Variants in LYZL1 observed in about 807,000 individuals in gnomAD.
LYZL1 encodes the protein lysozyme like 1, also known as lysozyme-like protein 1.
LYZL1 carries 16 observed loss-of-function variants against 17.9 expected under a neutral mutation model. The observed-to-expected ratio is 0.90, with a 90% CI of 0.61 to 1.36. The LOEUF (loss-of-function observed/expected upper bound fraction) is 1.36, where lower values mean the gene tolerates loss of function less well. Ranked by LOEUF, LYZL1 falls within the 40% of genes most tolerant of loss-of-function variation. LYZL1 has a pLI of 0.00. For synonymous variants in LYZL1, 58 were observed against 71.8 expected, an observed-to-expected ratio of 0.81 and a Z score of 0.97; for missense variants, 149 against 188.4, an observed-to-expected ratio of 0.79 and a Z score of 1.22.
chr10:29,304,513 A>G (rs954178635), intron 3 of LYZL1, among the ~76,000 whole-genome samples: 1 of 152,052 alleles, frequency 6.6e-6, no homozygotes, highest in Non-Finnish European at 1.5e-5. Flanking sequence ...AACTAACATA[A>G]CTGAAAATAG....
At chr10:29,295,911 CCA>C (rs1301722054) in intron 3 of LYZL1, among the ~76,000 whole-genome samples, 4 of 152,082 alleles carry the variant, frequency 2.6e-5, no homozygotes, top group African/African-American at 9.7e-5. Context: ...AGTCCAACAC[CCA>C]CAAGGAACTG....
chr10:29,293,134 C>CTTTTT (rs11453474), intron 3 of LYZL1, among the ~76,000 whole-genome samples: 3 of 121,048 alleles, frequency 2.5e-5, no homozygotes, highest in African/African-American at 3.1e-5. Context: ...TTTCTTTTTT[C>CTTTTT]TTTTTTTTTT....
intron 3 of LYZL1, among the ~76,000 whole-genome samples, chr10:29,300,475 A>T (rs1835502227): frequency 6.6e-6 from 1 of 152,122 alleles, no homozygotes; most frequent in South Asian, 2.1e-4. Flanking sequence ...TTATATTTAT[A>T]TACCTCACAA....
downstream of LYZL1, among the ~76,000 whole-genome samples, chr10:29,314,304 T>C (rs1477190356): frequency 1.3e-5 from 2 of 152,218 alleles, no homozygotes; most frequent in Non-Finnish European, 2.9e-5. Flanking sequence ...TGTCCTTCAC[T>C]GCTATATTTC....
downstream of LYZL1, among the ~76,000 whole-genome samples, chr10:29,315,007 C>G (rs892708690): frequency 2.6e-5 from 4 of 152,132 alleles, no homozygotes; most frequent in Non-Finnish European, 5.9e-5. Context: ...AAATATGGCA[C>G]AAACCCTAAG....
At chr10:29,304,282 A>C (rs976265701) in intron 3 of LYZL1, among the ~76,000 whole-genome samples, 2 of 152,218 alleles carry the variant, frequency 1.3e-5, no homozygotes, top group Non-Finnish European at 1.5e-5. Flanking sequence ...AACAGCACAG[A>C]TTTCATTAAA....
intron 3 of LYZL1, among the ~76,000 whole-genome samples, chr10:29,303,665 G>T (rs17294522): frequency 0.047 from 7,194 of 152,178 alleles, 176 homozygotes; most frequent in Middle Eastern, 0.12. Flanking sequence ...TTTTCTTATC[G>T]TGAAGAGCAT....
intron 3 of LYZL1, 146 bp downstream of exon 3, chr10:29,292,823 G>A (rs1422116598): frequency 8.0e-7 from 1 of 1,242,402 alleles, no homozygotes; most frequent in East Asian, 2.4e-5. Context: ...TTATGCAACA[G>A]TTTCCAAGGT....
At chr10:29,298,499 T>C (rs1460731257) in intron 3 of LYZL1, among the ~76,000 whole-genome samples, 1 of 152,102 alleles carries the variant, frequency 6.6e-6, no homozygotes, top group African/African-American at 2.4e-5. Flanking sequence ...GGCCTCTGAG[T>C]GCACAGAGCA....
At chr10:29,309,940 T>C (rs539636716) in intron 3 of LYZL1, among the ~76,000 whole-genome samples, 170 bp from the exon 4 acceptor site, 5 of 152,356 alleles carry the variant, frequency 3.3e-5, no homozygotes, top group Admixed American at 3.3e-4. Flanking sequence ...CAACAAAAAG[T>C]TCTTTTTGAA....
intron 3 of LYZL1, among the ~76,000 whole-genome samples, chr10:29,302,769 C>T (rs568080959): frequency 1.3e-5 from 2 of 152,262 alleles, no homozygotes; most frequent in African/African-American, 4.8e-5. Context: ...TGCCGTACCC[C>T]GCGGACACAG....
downstream of LYZL1, among the ~76,000 whole-genome samples, chr10:29,312,970 A>G (rs996976615): frequency 2.0e-5 from 3 of 152,168 alleles, no homozygotes; most frequent in Non-Finnish European, 2.9e-5. Context: ...GATGAGACTG[A>G]TGGATACTGT....
chr10:29,301,680 T>G (rs1239178153), intron 3 of LYZL1, among the ~76,000 whole-genome samples: 2 of 152,200 alleles, frequency 1.3e-5, no homozygotes, highest in East Asian at 3.8e-4. Flanking sequence ...TACTTGGCAT[T>G]CATTAACATT....
downstream of LYZL1, among the ~76,000 whole-genome samples, chr10:29,314,885 C>G (rs1034949190): frequency 2.6e-5 from 4 of 152,170 alleles, no homozygotes; most frequent in African/African-American, 9.7e-5. Flanking sequence ...GCCCCTGCTG[C>G]CCTGCGGGGA....
chr10:29,296,650 C>A (rs1292176399), intron 3 of LYZL1, among the ~76,000 whole-genome samples: 1 of 152,130 alleles, frequency 6.6e-6, no homozygotes, highest in Non-Finnish European at 1.5e-5. Flanking sequence ...TTCTATAGTT[C>A]CAACCACCAT....
At chr10:29,302,506 C>T (rs1455750451) in intron 3 of LYZL1, among the ~76,000 whole-genome samples, 1 of 152,124 alleles carries the variant, frequency 6.6e-6, no homozygotes. Context: ...CTGGGCGGTC[C>T]TCTTCGTGCA....
chr10:29,316,660 G>T, intron 3 of LYZL1, among the ~76,000 whole-genome samples: 1 of 148,220 alleles, frequency 6.7e-6, no homozygotes, highest in Non-Finnish European at 1.5e-5. Context: ...AATATATTTT[G>T]ATGTTTTTTC....
chr10:29,291,169 C>T (rs1387366019), intron 1 of LYZL1, among the ~76,000 whole-genome samples: 1 of 152,182 alleles, frequency 6.6e-6, no homozygotes, highest in Non-Finnish European at 1.5e-5. Flanking sequence ...GGAAGCCTTA[C>T]TGATAACATA....
At chr10:29,315,420 G>A (rs556004943), downstream of LYZL1, among the ~76,000 whole-genome samples, 1 of 152,122 alleles carries the variant, frequency 6.6e-6, no homozygotes. Flanking sequence ...GCTGAGGCAT[G>A]CAAATTGCTT....
Sources: allele counts gnomAD v4.1 joint callset (sites outside exome capture counted in the v4.1 genomes callset), GRCh38; gene constraint gnomAD v4.1.1; transcripts MANE v1.5; gene names NCBI Gene and HGNC (gene_info 2026-07-23, HGNC 2026-07-21).